TTN: variants seen among roughly 807,000 people sequenced by gnomAD.
TTN encodes the protein titin, also known as connectin.
Under a neutral mutation model 3,223.0 loss-of-function variants are expected in TTN, and 1,525 were observed. The observed-to-expected ratio is 0.47, with a 90% confidence interval of 0.45 to 0.49. The LOEUF (loss-of-function observed/expected upper bound fraction) is 0.49, where lower values mean the gene tolerates loss of function less well. Ranked by LOEUF, TTN falls within the 20% of genes least tolerant of loss-of-function variation. The pLI is 0.00. For synonymous variants in TTN, 14,094 were observed against 15,161.0 expected (o/e 0.93, Z 5.17); for missense variants, 40,786 against 43,424.0 (o/e 0.94, Z 5.40).
chr2:178,527,344 C>A, intron 362 of TTN, 37 bp from the exon 363 acceptor site: 1 of 1,564,964 alleles, frequency 6.4e-7, no homozygotes, highest in Non-Finnish European at 8.6e-7. Flanking sequence ...GTCTTAGAAT[C>A]ACTGAAAAAA....
chr2:178,561,041 CG>C lies in TTN; in HGVS notation c.85090del (p.Arg28364GlufsTer14). ...PPRVMMDVKF[R>X]DVIVVKAGEV... Reference sequence around the variant, plus strand: ...TCCAGCTTTGACAACAATAACGTCTCGGAACTTGACATCCATCATAACTCTT... The same window carrying C: ...TCCAGCTTTGACAACAATAACGTCTCGAACTTGACATCCATCATAACTCTT... On this transcript the variant is annotated frameshift_variant, in exon 326 of 363. Transcript: ENST00000589042. LOFTEE classifies it high-confidence loss of function. 1 of 1,613,858 alleles carries C rather than the reference CG, an allele frequency of 6.2e-7. No individual in the cohort carries two copies. Among genetic ancestry groups the C allele is most frequent in the Non-Finnish European group, 8.5e-7 (1 of 1,179,816 alleles).
intron 340 of TTN, 36 bp from the exon 341 acceptor site, chr2:178,546,941 A>T (rs539590479): frequency 2.9e-5 from 45 of 1,577,022 alleles, no homozygotes; most frequent in South Asian, 1.3e-4. Context: ...AAAATATACC[A>T]CTCTGAGTTC....
rs1488285179 is a variant in TTN at position 178,609,271 on chromosome 2, A to G, written c.52039T>C (p.Tyr17347His). The change falls in exon 273 of 363, where the codon TAT becomes CAT. Residue 17347 changes from tyrosine (Y) to histidine (H), a missense_variant. Coordinates refer to ENST00000589042, the MANE Select transcript of TTN (RefSeq NM_001267550.2). ...TGGTCATTTTCAACTTTGATCATAT[A>G]CAGACCATGGTCAGGTCGGAGAGAA... ...RDSLRPDHGL[Y>H]MIKVENDHGI... The G allele has an allele frequency of 6.3e-7, 1 of 1,575,238 alleles. No homozygotes were observed. The highest frequency in any genetic ancestry group is 8.6e-7 in the Non-Finnish European group (1 of 1,162,446).
intron 243 of TTN, among the ~76,000 whole-genome samples, chr2:178,622,428 T>G (rs1050714034): frequency 2.6e-5 from 4 of 151,922 alleles, no homozygotes; most frequent in African/African-American, 9.7e-5. Context: ...CACTTTCATA[T>G]GGTTCAAACT....
rs781572378 is a variant in TTN, at chr2:178,542,284, A to G, written c.97472T>C (p.Ile32491Thr). 2.3e-5 allele frequency: 37 copies of G among 1,610,634 alleles called. No homozygotes were observed. The highest frequency in any genetic ancestry group is 1.2e-4 in the Admixed American group (7 of 59,678). ...CTTACGGATGCTGCTGCGACACTCT[A>G]TGACCTCAGACTGCAAGTAAGAGCC... ...GIGSYLQSEV[I>T]ECRSSIRIPG... is the part of the protein sequence containing the mutation. The change falls in exon 349 of 363, where the codon ATA becomes ACA. Residue 32491 changes from isoleucine (I) to threonine (T), a missense_variant. Physicochemically the swap from Ile to Thr is moderately conservative, Grantham distance 89. Transcript: ENST00000589042.
At chr2:178,688,952 C>T in intron 125 of TTN, 101 bp downstream of exon 125, 1 of 1,251,720 alleles carries the variant, frequency 8.0e-7, no homozygotes, top group Non-Finnish European at 1.1e-6. Flanking sequence ...GACAATGGAT[C>T]AGTATAAGCA....
At position 178,572,783 on chromosome 2, in the gene TTN, A is replaced by G; in HGVS notation, c.73349T>C (p.Val24450Ala). ...AGGTGCAGGCCTTCCTTTGATGGGA[A>G]CAAAAAGTCTCAGGGTGCAGCAGGC... is the stretch of plus-strand genomic sequence containing the variant. ...IRACCTLRLFVPIKGRPAPEV... is the reference protein window; with the variant it reads ...IRACCTLRLFAPIKGRPAPEV... The change falls in exon 326 of 363, where the codon GTT (valine) becomes GCT (alanine). Residue 24450 changes from valine (V) to alanine (A), a missense_variant. Val to Ala is a moderately conservative substitution (Grantham distance 64). Coordinates refer to ENST00000589042, the MANE Select transcript of TTN (RefSeq NM_001267550.2). 6.2e-7 allele frequency: 1 copy of G among 1,613,494 alleles called. No individual in the cohort carries two copies. Among genetic ancestry groups the G allele is most frequent in the Non-Finnish European group, 8.5e-7 (1 of 1,179,602 alleles).
intron 90 of TTN, 25 bp from the exon 91 acceptor site, chr2:178,714,598 G>T: frequency 1.3e-6 from 2 of 1,553,884 alleles, no homozygotes; most frequent in Non-Finnish European, 1.7e-6. Context: ...GGAAAGCCTG[G>T]GTTTTAAAAT....
In TTN at chr2:178,569,422, A is replaced by G. The variant is rs796679519; in HGVS notation, c.76710T>C (p.Asn25570=). 1 of 1,613,354 alleles carries G rather than the reference A, an allele frequency of 6.2e-7. No individual in the cohort carries two copies. The highest frequency in any genetic ancestry group is 2.2e-5 in the East Asian group (1 of 44,778). Residue 25570 remains asparagine (N), a synonymous_variant, in exon 326 of 363, where the codon AAT becomes AAC. Coordinates refer to ENST00000589042, the MANE Select transcript of TTN (RefSeq NM_001267550.2). ...ATTTTCCACTATCATATCGGTTGAC[A>G]TTGTCAAGAACAAGAGAGGTGAAAC... The part of the protein sequence containing the change: ...TSSFTSLVLD[N]VNRYDSGKYT...
chr2:178,597,492 A>C (rs762938601), intron 294 of TTN, 46 bp downstream of exon 294: 1 of 1,565,378 alleles, frequency 6.4e-7, no homozygotes, highest in Non-Finnish European at 8.7e-7. Context: ...AAATATAATA[A>C]GAATGTTGGT....
In TTN at chr2:178,672,020, A is replaced by G; in HGVS notation, c.35178T>C (p.Phe11726=). The G allele has an allele frequency of 6.2e-7, 1 of 1,608,658 alleles. No homozygotes were observed. Among genetic ancestry groups the G allele is most frequent in the South Asian group, 1.1e-5 (1 of 89,232 alleles). Residue 11726 remains phenylalanine, a synonymous_variant, in exon 155 of 363, where the codon TTT becomes TTC. Transcript: ENST00000589042. ...CAAATACTTCCACTTCTTCAGCCTCAAAAACTTCTATTACCCTATGAACTT... is the reference window on the plus strand; with the variant it reads ...CAAATACTTCCACTTCTTCAGCCTCGAAAACTTCTATTACCCTATGAACTT... ...VEKVHRVIEV[F]EAEEVEVFEK...
chr2:178,744,836 A>G (rs948564524), intron 47 of TTN: 3 of 985,106 alleles, frequency 3.0e-6, no homozygotes, highest in Non-Finnish European at 3.6e-6. Context: ...AAATGGAGAA[A>G]AATAAGGTAT....
In TTN at chr2:178,575,847, T is replaced by A; in HGVS notation, c.70285A>T (p.Asn23429Tyr). Residue 23429 changes from asparagine to tyrosine, a missense_variant, in exon 326 of 363, where the codon AAC becomes TAC. Transcript: ENST00000589042. This position sits in a 1 kb window ranked among gnomAD's most constrained non-coding sequence, Gnocchi z 4.0. ...CCTGGCGTGTCCAAGACTCTGACGT[T>A]CACAAAGCCACTTTTCTTCCCAGCC... is the stretch of plus-strand genomic sequence containing the variant. ...NPAGKKSGFV[N>Y]VRVLDTPGPV... 2.5e-6 allele frequency: 4 copies of A among 1,613,584 alleles called. No homozygotes were observed. Among genetic ancestry groups the A allele is most frequent in the Non-Finnish European group, 3.4e-6 (4 of 1,179,624 alleles).
chr2:178,727,399 C>T, intron 68 of TTN, 28 bp from the exon 69 acceptor site: 1 of 1,539,412 alleles, frequency 6.5e-7, no homozygotes, highest in Non-Finnish European at 8.7e-7. Context: ...AGGAGAGTAT[C>T]AGGGAACAGA....
At position 178,710,767 on chromosome 2, in the gene TTN, G is replaced by A. The variant is rs2076535148; in HGVS notation, c.28330C>T (p.Gln9444Ter). ...SREIRSGGKY[Q>*]ISYLENSAHL... ...GCGCTGTTTTCCAGATAACTAATCT[G>A]GTACTTTCCGCCACTTCGTATTTCT... Residue 9444 changes from glutamine to a stop codon, truncating the protein, a stop_gained, in exon 98 of 363, where the codon CAG (glutamine) becomes TAG (stop). Transcript: ENST00000589042. LOFTEE classifies it high-confidence loss of function. 6.2e-7 allele frequency: 1 copy of A among 1,613,740 alleles called. No homozygotes were observed. The highest frequency in any genetic ancestry group is 8.5e-7 in the Non-Finnish European group (1 of 1,179,832).
chr2:178,628,196 G>A (rs1576638515), intron 240 of TTN, among the ~76,000 whole-genome samples: 1 of 151,996 alleles, frequency 6.6e-6, no homozygotes, highest in African/African-American at 2.4e-5. Flanking sequence ...TAGTTTTGTT[G>A]TTGTTGTTGT....
Position 178,553,413 on chromosome 2 carries a change from G to T in TTN, c.89504-17C>A. 1 of 1,576,082 alleles carries T rather than the reference G, an allele frequency of 6.3e-7. No homozygotes were observed. ...CTGGTGCCTCTGTAGACATAAAATG[G>T]ATACATACAGTGAATTTTAAAAGCA... On this transcript the variant is annotated splice_polypyrimidine_tract_variant and intron_variant, in intron 334 of 362. Coordinates refer to ENST00000589042, the MANE Select transcript of TTN (RefSeq NM_001267550.2).
chr2:178,715,908 A>C (rs540741161), intron 88 of TTN, 134 bp from the exon 89 acceptor site: 1 of 826,286 alleles, frequency 1.2e-6, no homozygotes, highest in African/African-American at 1.7e-5. Context: ...TCAAGGAAGA[A>C]GAGTTAAATG....
At position 178,713,246 on chromosome 2, in the gene TTN, C is replaced by A. The variant is rs1225996636; in HGVS notation, c.26888G>T (p.Gly8963Val). ...PPISVSWFHEGNEISSGRKYQ... is the reference protein window; with the variant it reads ...PPISVSWFHEVNEISSGRKYQ... ...TTTCCTTCCACTACTGATCTCATTT[C>A]CTTCATGGAACCAGGAGACAGAGAT... Residue 8963 changes from glycine to valine, a missense_variant, in exon 93 of 363, where the codon GGA (glycine) becomes GTA (valine). Physicochemically the swap from Gly to Val is moderately radical, Grantham distance 109 (BLOSUM62 -3). Transcript: ENST00000589042. 6.2e-7 allele frequency: 1 copy of A among 1,613,038 alleles called. No individual in the cohort carries two copies. Among genetic ancestry groups the A allele is most frequent in the Non-Finnish European group, 8.5e-7 (1 of 1,179,440 alleles).
Sources: gnomAD v4.1 joint callset for allele counts (sites outside exome capture counted in the v4.1 genomes callset) on GRCh38, gnomAD v4.1.1 for gene constraint, Gnocchi (gnomAD v3.1) non-coding constraint, MANE v1.5 for transcripts, NCBI Gene and HGNC (gene_info 2026-07-23, HGNC 2026-07-21) for gene names.